The following UBE2F variants were observed in gnomAD, a reference collection of about 807,000 sequenced individuals.
UBE2F encodes NEDD8-conjugating enzyme UBE2F.
Under a neutral mutation model 29.6 loss-of-function variants are expected in UBE2F, and 5 were observed. The ratio of observed to expected loss-of-function variants is 0.17; its 90% CI spans 0.09 to 0.36. The LOEUF (loss-of-function observed/expected upper bound fraction) is 0.36, where lower values mean the gene tolerates loss of function less well. Ranked by LOEUF, UBE2F falls within the 10% of genes least tolerant of loss-of-function variation. The probability of loss-of-function intolerance (pLI) is 1.00; values close to 1 mark genes in which losing one functional copy is unlikely to be tolerated. For missense variants in UBE2F, 141 were observed against 228.5 expected, an observed-to-expected ratio of 0.62 and a Z score of 2.47; for synonymous variants, 66 against 81.8, an observed-to-expected ratio of 0.81 and a Z score of 1.04.
Position 238,001,153 on chromosome 2 carries a change from C to T in UBE2F, c.214+6344C>T, listed in dbSNP as rs551023367. The stretch of plus-strand genomic sequence containing the variant: ...GGTTCAAGCGATTCTCCTGCCTCAG[C>T]CTCCCAAGTAGCTGGGATTACAGGC... On this transcript the variant is annotated intron_variant, in intron 4 of 9. Coordinates refer to ENST00000272930, the MANE Select transcript of UBE2F (RefSeq NM_080678.3). Among the ~76,000 whole-genome samples the T allele has an allele frequency of 4.0e-5, 6 of 151,588 alleles. No individual in the cohort carries two copies. The East Asian group carries it at 1.2e-3, about 30-fold the overall frequency.
chr2:237,991,872 T>G (rs2063598418), intron 3 of UBE2F, among the ~76,000 whole-genome samples: 1 of 148,128 alleles, frequency 6.8e-6, no homozygotes, highest in African/African-American at 2.5e-5. Flanking sequence ...GATAATTTCT[T>G]TTTTTTTTTT....
At chr2:238,011,155 A>G (rs1191483131) in intron 4 of UBE2F, among the ~76,000 whole-genome samples, 1 of 152,168 alleles carries the variant, frequency 6.6e-6, no homozygotes. Context: ...TCATGGCCGC[A>G]TCTCACTCTG....
At position 238,025,269 on chromosome 2, in the gene UBE2F, G is replaced by A. The variant is rs995021453; in HGVS notation, c.283-73G>A. 4 of 1,325,042 alleles carry A rather than the reference G, an allele frequency of 3.0e-6. No homozygotes were observed. The East Asian group carries it at 9.2e-5, about 30-fold the overall frequency. 82.1% of individuals were successfully genotyped at this position (1,325,042 alleles called of 1,614,324 possible). ...AACAAGCGTCTAGATAGGGGATGTG[G>A]TAAGGCTCTGGCCTGGAGATGTGAT... is the stretch of plus-strand genomic sequence containing the variant. On this transcript the variant is annotated intron_variant, in intron 5 of 9. Transcript: ENST00000272930.
At chr2:237,985,548 A>G (rs1245749102) in intron 2 of UBE2F, among the ~76,000 whole-genome samples, 1 of 152,242 alleles carries the variant, frequency 6.6e-6, no homozygotes, top group African/African-American at 2.4e-5. Flanking sequence ...TTTAAGGCTG[A>G]ACAATGTTCC....
chr2:238,002,228 A>G (rs1276281920), intron 4 of UBE2F, among the ~76,000 whole-genome samples: 2 of 39,416 alleles, frequency 5.1e-5, no homozygotes, highest in African/African-American at 2.5e-4. Context: ...CCACACCCAG[A>G]TAATTTTTTT....
Position 238,041,494 on chromosome 2 carries a change from A to G in UBE2F, c.*156A>G. 1 of 637,602 alleles carries G rather than the reference A, an allele frequency of 1.6e-6. No homozygotes were observed. Among genetic ancestry groups the G allele is most frequent in the Non-Finnish European group, 2.8e-6 (1 of 356,562 alleles). 39.5% of individuals were successfully genotyped at this position (637,602 alleles called of 1,614,324 possible). On this transcript the variant is annotated 3_prime_UTR_variant, in exon 10 of 10. Transcript: ENST00000272930. ...TGTTGCCCTGAAGAAGACCATCTTC[A>G]TGACTGCTCATTGTAGATGGAGAAT...
intron 1 of UBE2F, among the ~76,000 whole-genome samples, chr2:237,972,109 TG>T (rs752703615): frequency 6.6e-6 from 1 of 152,176 alleles, no homozygotes; most frequent in Non-Finnish European, 1.5e-5. Flanking sequence ...TAATCTACTT[TG>T]GGACATTAAT....
At position 237,991,417 on chromosome 2, in the gene UBE2F, G is replaced by C. The variant is rs188767536; in HGVS notation, c.149-3327G>C. Reference sequence around the variant, plus strand: ...GGAACTAGTTTGGAGCTCTGCACATGCAAGTTTTTAGCGGTTTCTCTGCAA... The same window carrying C: ...GGAACTAGTTTGGAGCTCTGCACATCCAAGTTTTTAGCGGTTTCTCTGCAA... On this transcript the variant is annotated intron_variant, in intron 3 of 9. Transcript: ENST00000272930. 3.3e-5 allele frequency among the ~76,000 whole-genome samples: 5 copies of C among 152,224 alleles called. No homozygotes were observed. In the East Asian group the frequency reaches 9.6e-4, roughly 29 times the overall value.
At chr2:238,018,232 T>C (rs1159343003) in intron 5 of UBE2F, among the ~76,000 whole-genome samples, 1 of 152,146 alleles carries the variant, frequency 6.6e-6, no homozygotes, top group African/African-American at 2.4e-5. Flanking sequence ...TGGGGACTCT[T>C]TGGTGGTTTC....
intron 8 of UBE2F, among the ~76,000 whole-genome samples, chr2:238,032,835 G>A (rs1269221273): frequency 1.3e-5 from 2 of 152,064 alleles, no homozygotes; most frequent in Admixed American, 6.5e-5. Flanking sequence ...TTTTTCTATT[G>A]CTCTTTTATG....
At chr2:237,975,514 T>G (rs1015070068) in intron 2 of UBE2F, among the ~76,000 whole-genome samples, 2 of 152,188 alleles carry the variant, frequency 1.3e-5, no homozygotes, top group African/African-American at 2.4e-5. Flanking sequence ...ACATGGAGAT[T>G]GCAGGCATTT....
At chr2:238,034,449 A>T (rs2064658726) in intron 8 of UBE2F, among the ~76,000 whole-genome samples, 1 of 152,002 alleles carries the variant, frequency 6.6e-6, no homozygotes, top group South Asian at 2.1e-4. Context: ...ATTTTTTTTT[A>T]AGAAATCTGC....
At position 237,982,270 on chromosome 2, in the gene UBE2F, C is replaced by T. The variant is rs2063395936; in HGVS notation, c.119-5693C>T. Among the ~76,000 whole-genome samples the T allele has an allele frequency of 6.6e-6, 1 of 152,100 alleles. No individual in the cohort carries two copies. The highest frequency in any genetic ancestry group is 1.5e-5 in the Non-Finnish European group (1 of 68,030). On this transcript the variant is annotated intron_variant, in intron 2 of 9. Transcript: ENST00000272930. The surrounding 1 kb of genome is among the most constrained non-coding windows in gnomAD (Gnocchi z 4.1). ...CCTGAGTGCCTCTTGCTCCCGCACC[C>T]CTATCCCCGTAGGAGAAGGGGCCTG...
intron 4 of UBE2F, among the ~76,000 whole-genome samples, chr2:238,007,692 A>G (rs751335852): frequency 2.0e-5 from 3 of 152,130 alleles, no homozygotes; most frequent in Non-Finnish European, 4.4e-5. Flanking sequence ...TATTTTTCAA[A>G]TGTTGAACCA....
chr2:237,975,123 G>A (rs1308063878), intron 2 of UBE2F, among the ~76,000 whole-genome samples: 1 of 148,784 alleles, frequency 6.7e-6, no homozygotes, highest in African/African-American at 2.5e-5. Flanking sequence ...TTTTTTTTGA[G>A]ACAGACTCTT....
At chr2:237,981,503 G>A (rs2063374190) in intron 2 of UBE2F, among the ~76,000 whole-genome samples, 1 of 151,966 alleles carries the variant, frequency 6.6e-6, no homozygotes, top group East Asian at 1.9e-4. Context: ...TGACTGTGGT[G>A]GGATCATTGG....
intron 4 of UBE2F, among the ~76,000 whole-genome samples, chr2:237,997,203 A>G (rs971626800): frequency 9.2e-5 from 14 of 152,126 alleles, no homozygotes; most frequent in African/African-American, 2.9e-4. Context: ...CTCCAGCCTG[A>G]GCGACAGAGC....
intron 4 of UBE2F, chr2:238,003,505 G>A (rs548028261): frequency 1.2e-5 from 5 of 431,250 alleles, no homozygotes; most frequent in African/African-American, 4.0e-5. Context: ...AGATTCTCTC[G>A]TGGGATGCTC....
At chr2:238,033,346 C>T (rs1184579731) in intron 8 of UBE2F, among the ~76,000 whole-genome samples, 5 of 152,092 alleles carry the variant, frequency 3.3e-5, no homozygotes, top group Non-Finnish European at 5.9e-5. Context: ...TTTTACTTTT[C>T]GATTCATAAA....
Sources: gnomAD v4.1 joint callset for allele counts (sites outside exome capture counted in the v4.1 genomes callset) on GRCh38, gnomAD v4.1.1 for gene constraint, Gnocchi (gnomAD v3.1) non-coding constraint, MANE v1.5 for transcripts, NCBI Gene and HGNC (gene_info 2026-07-23, HGNC 2026-07-21) for gene names.